Variants in TIAM1 observed in about 807,000 individuals in gnomAD.
TIAM1 encodes the protein rho guanine nucleotide exchange factor TIAM1.
Under a neutral mutation model 163.5 loss-of-function variants are expected in TIAM1, and 65 were observed. The ratio of observed to expected loss-of-function variants is 0.40; its 90% CI spans 0.33 to 0.49. The LOEUF (loss-of-function observed/expected upper bound fraction) is 0.49, where lower values mean the gene tolerates loss of function less well. TIAM1 is among the 20% of genes least tolerant of loss of function. The pLI is 0.77. For missense variants in TIAM1, 1,789 were observed against 2,044.7 expected (o/e 0.87, Z 2.41); for synonymous variants, 833 against 810.1 (o/e 1.03, Z -0.48).
intron 3 of TIAM1, among the ~76,000 whole-genome samples, chr21:31,274,975 T>C (rs1475754150): frequency 1.4e-4 from 1 of 7,226 alleles, no homozygotes; most frequent in Non-Finnish European, 2.5e-4. Context: ...CTGGGTGTGG[T>C]GGGGGCGGGG....
chr21:31,511,063 A>T (rs1481741360), intron 1 of TIAM1, among the ~76,000 whole-genome samples: 1 of 152,232 alleles, frequency 6.6e-6, no homozygotes, highest in Non-Finnish European at 1.5e-5. Flanking sequence ...GCTGGGAAGC[A>T]CCATAAGTTA....
chr21:31,217,357 T>C (rs192344190), intron 9 of TIAM1, among the ~76,000 whole-genome samples, 196 bp downstream of exon 9: 60 of 152,308 alleles, frequency 3.9e-4, no homozygotes, highest in African/African-American at 1.4e-3. Flanking sequence ...TGCAGCTTGG[T>C]GATAGACTAA....
chr21:31,250,752 T>G (rs2071756888), intron 5 of TIAM1, among the ~76,000 whole-genome samples: 1 of 152,220 alleles, frequency 6.6e-6, no homozygotes, highest in Non-Finnish European at 1.5e-5. Flanking sequence ...TTTTTCCTTT[T>G]AAAATATAGA....
At chr21:31,521,961 TC>T (rs1393437665) in intron 1 of TIAM1, among the ~76,000 whole-genome samples, 2 of 152,080 alleles carry the variant, frequency 1.3e-5, no homozygotes, top group Non-Finnish European at 2.9e-5. Flanking sequence ...AAGCTCCGCC[TC>T]CCGGGTTCAG....
chr21:31,134,638 G>A (rs1463282935), intron 23 of TIAM1, among the ~76,000 whole-genome samples: 1 of 152,160 alleles, frequency 6.6e-6, no homozygotes, highest in Non-Finnish European at 1.5e-5. Context: ...AGCCTCCCAA[G>A]TAGCTGGGAT....
chr21:31,406,525 C>A (rs918585269), intron 2 of TIAM1, among the ~76,000 whole-genome samples: 25 of 151,656 alleles, frequency 1.6e-4, no homozygotes, highest in African/African-American at 5.6e-4. Flanking sequence ...CCTACAGCAG[C>A]ATGTGTTGTC....
chr21:31,141,567 T>G lies in TIAM1; in HGVS notation c.3476-63A>C, dbSNP rs1452650036. ...CCCACGTGACTCCCTTCCCACAATT[T>G]CCCTCCCTTCCTCAGTGACTCCAAG... is the stretch of plus-strand genomic sequence containing the variant. On this transcript the variant is annotated intron_variant, in intron 20 of 27. Transcript: ENST00000541036. The surrounding 1 kb of genome is among the most constrained non-coding windows in gnomAD (Gnocchi z 4.7). 6.4e-7 allele frequency: 1 copy of G among 1,570,460 alleles called. No individual in the cohort carries two copies. Among genetic ancestry groups the G allele is most frequent in the Non-Finnish European group, 8.7e-7 (1 of 1,155,022 alleles).
chr21:31,349,108 T>G (rs1388754946), upstream of TIAM1, among the ~76,000 whole-genome samples: 1 of 152,230 alleles, frequency 6.6e-6, no homozygotes, highest in Non-Finnish European at 1.5e-5. Flanking sequence ...GATTTAATTT[T>G]CTCTGCCTTC....
intron 2 of TIAM1, among the ~76,000 whole-genome samples, chr21:31,315,600 G>A (rs1017852977): frequency 6.7e-6 from 1 of 149,312 alleles, no homozygotes; most frequent in Non-Finnish European, 1.5e-5. Context: ...ACTTGAACCA[G>A]GGAGGCGGAG....
chr21:31,210,188 C>A lies in TIAM1; in HGVS notation c.2245G>T (p.Val749Phe). Residue 749 changes from valine (V) to phenylalanine (F), a missense_variant, in exon 11 of 28, where the codon GTT (valine) becomes TTT (phenylalanine). Transcript: ENST00000541036. ...KREKEVVLPN[V>F]HQHNPDCDIW... is the part of the protein sequence containing the mutation. ...TCGCAGTCAGGGTTGTGCTGGTGAACGTTAGGTAAGACCACTTCTTTCTCC... is the reference window on the plus strand; with the variant it reads ...TCGCAGTCAGGGTTGTGCTGGTGAAAGTTAGGTAAGACCACTTCTTTCTCC... 1 of 1,614,022 alleles carries A rather than the reference C, an allele frequency of 6.2e-7. No homozygotes were observed.
intron 2 of TIAM1, among the ~76,000 whole-genome samples, chr21:31,320,495 A>C (rs778843183): frequency 2.9e-4 from 44 of 152,232 alleles, no homozygotes; most frequent in Admixed American, 3.9e-4. Context: ...CATTAGTCAA[A>C]AAAAATCCAC....
At chr21:31,351,946 T>C (rs952608093) in intron 2 of TIAM1, among the ~76,000 whole-genome samples, 18 of 151,936 alleles carry the variant, frequency 1.2e-4, no homozygotes, top group Admixed American at 1.1e-3. Flanking sequence ...TGTGTGCCTG[T>C]ACTCCCAGCT....
chr21:31,243,436 C>A (rs2071328113), intron 6 of TIAM1, among the ~76,000 whole-genome samples: 1 of 151,132 alleles, frequency 6.6e-6, no homozygotes, highest in Non-Finnish European at 1.5e-5. Context: ...GTAAACACAA[C>A]AGGAGTCACC....
At chr21:31,187,172 GTA>G in intron 13 of TIAM1, 85 bp from the exon 14 acceptor site, 1 of 1,221,380 alleles carries the variant, frequency 8.2e-7, no homozygotes, top group Non-Finnish European at 1.2e-6. Context: ...TGTGAACTAG[GTA>G]TGTTTCATGT....
intron 2 of TIAM1, among the ~76,000 whole-genome samples, chr21:31,365,614 A>G (rs1456355941): frequency 6.6e-6 from 1 of 151,148 alleles, no homozygotes; most frequent in Non-Finnish European, 1.5e-5. Context: ...GATGGTCTCG[A>G]TCTCCTGACC....
chr21:31,279,134 A>G (rs1393009682), intron 2 of TIAM1, among the ~76,000 whole-genome samples: 1 of 152,032 alleles, frequency 6.6e-6, no homozygotes, highest in East Asian at 1.9e-4. Flanking sequence ...TATATAAATA[A>G]ATAAATAAAC....
At position 31,228,224 on chromosome 21, in the gene TIAM1, A is replaced by ATT. The variant is rs1569068585; in HGVS notation, c.1585-2275_1585-2274insAA. 1.6e-3 allele frequency among the ~76,000 whole-genome samples: 124 copies of ATT among 77,560 alleles called. 3 individuals carry two copies. Among genetic ancestry groups the ATT allele is most frequent in the African/African-American group, 7.6e-3 (50 of 6,538 alleles). The allele number at this position is 77,560 out of a possible 152,430, so 50.9% of individuals were successfully genotyped here. On this transcript the variant is annotated intron_variant, in intron 6 of 27. Coordinates refer to ENST00000541036, the MANE Select transcript of TIAM1 (RefSeq NM_001353694.2). ...CCATGCCCGGCCTCCTTTTTTTAAAAAAAAAAAAAAAAAAAAAAAAAAAAA... is the reference window on the plus strand; with the variant it reads ...CCATGCCCGGCCTCCTTTTTTTAAAATTAAAAAAAAAAAAAAAAAAAAAAAAA...
chr21:31,258,940 C>G (rs1463672476), intron 4 of TIAM1, among the ~76,000 whole-genome samples: 2 of 152,160 alleles, frequency 1.3e-5, no homozygotes. Context: ...CAGGTGTTTC[C>G]TAAGTTCTCC....
chr21:31,279,044 T>C (rs1291426069), intron 2 of TIAM1, among the ~76,000 whole-genome samples: 1 of 152,148 alleles, frequency 6.6e-6, no homozygotes, highest in Non-Finnish European at 1.5e-5. Flanking sequence ...ATGCATTTTC[T>C]ATACTTTAAA....
Sources: allele counts gnomAD v4.1 joint callset (sites outside exome capture counted in the v4.1 genomes callset), GRCh38; gene constraint gnomAD v4.1.1; non-coding constraint Gnocchi (gnomAD v3.1); transcripts MANE v1.5; gene names NCBI Gene and HGNC (gene_info 2026-07-23, HGNC 2026-07-21).